Variants in SMCHD1 observed in about 807,000 individuals in gnomAD.
SMCHD1 encodes the protein structural maintenance of chromosomes flexible hinge domain-containing protein 1.
A neutral mutation model predicts 254.7 loss-of-function variants in SMCHD1; 78 were observed. The observed-to-expected ratio is 0.31, with a 90% CI of 0.26 to 0.37. The LOEUF (loss-of-function observed/expected upper bound fraction) is 0.37, where lower values mean the gene tolerates loss of function less well. Among genes scored for constraint, SMCHD1 ranks in the 10% least tolerant of loss-of-function variants. SMCHD1 has a pLI of 1.00. For synonymous variants in SMCHD1, 766 were observed against 794.9 expected (o/e 0.96, Z 0.61); for missense variants, 1,840 against 2,408.1 (o/e 0.76, Z 4.94).
At chr18:2,657,871 T>A (rs2073118129) in intron 1 of SMCHD1, among the ~76,000 whole-genome samples, 2 of 152,134 alleles carry the variant, frequency 1.3e-5, no homozygotes, top group Non-Finnish European at 1.5e-5. Flanking sequence ...GGCCCAAATA[T>A]TCCCGGGCTC....
chr18:2,754,064 A>G (rs2075626625), intron 34 of SMCHD1, among the ~76,000 whole-genome samples: 1 of 152,168 alleles, frequency 6.6e-6, no homozygotes. Flanking sequence ...TTCTTTATAT[A>G]TTAGAGATAC....
At chr18:2,799,864 C>A (rs1031516431) in intron 47 of SMCHD1, among the ~76,000 whole-genome samples, 3 of 152,052 alleles carry the variant, frequency 2.0e-5, no homozygotes, top group African/African-American at 7.2e-5. Flanking sequence ...CATCCTGGGT[C>A]TTCCTTAGTT....
intron 44 of SMCHD1, 36 bp downstream of exon 44, chr18:2,778,275 C>G: frequency 1.4e-6 from 2 of 1,421,586 alleles, no homozygotes; most frequent in Non-Finnish European, 2.0e-6. Context: ...TTGTAGACTT[C>G]AGTTTTAATG....
intron 7 of SMCHD1, among the ~76,000 whole-genome samples, chr18:2,692,606 C>G (rs114159839): frequency 6.6e-6 from 1 of 152,138 alleles, no homozygotes; most frequent in South Asian, 2.1e-4. Context: ...TCAGCCATCC[C>G]GCTTCATCTT....
intron 5 of SMCHD1, among the ~76,000 whole-genome samples, chr18:2,677,841 A>C (rs1157736995): frequency 1.3e-5 from 2 of 151,814 alleles, no homozygotes; most frequent in Non-Finnish European, 2.9e-5. Flanking sequence ...CTGGTCTCCA[A>C]CTCCTGAGCT....
At chr18:2,750,576 C>T in intron 32 of SMCHD1, 69 bp downstream of exon 32, 1 of 1,337,798 alleles carries the variant, frequency 7.5e-7, no homozygotes, top group Non-Finnish European at 1.0e-6. Flanking sequence ...GAATAAATTA[C>T]TTATCCTAGG....
At chr18:2,798,267 A>G (rs1366674308) in intron 47 of SMCHD1, among the ~76,000 whole-genome samples, 2 of 152,190 alleles carry the variant, frequency 1.3e-5, no homozygotes, top group Non-Finnish European at 2.9e-5. Flanking sequence ...GTTCATTGAT[A>G]TCTCTTGAGT....
intron 36 of SMCHD1, among the ~76,000 whole-genome samples, chr18:2,762,810 T>A (rs2075809267): frequency 6.6e-6 from 1 of 152,280 alleles, no homozygotes; most frequent in South Asian, 2.1e-4. Context: ...AATACATACC[T>A]TTACTCACCT....
At chr18:2,710,538 A>G (rs577396228) in intron 17 of SMCHD1, among the ~76,000 whole-genome samples, 1 of 152,346 alleles carries the variant, frequency 6.6e-6, no homozygotes, top group South Asian at 2.1e-4. Flanking sequence ...TGTATCTGCA[A>G]CTTTGCTGAG....
At chr18:2,735,845 A>T (rs1014239455) in intron 25 of SMCHD1, among the ~76,000 whole-genome samples, 2 of 152,336 alleles carry the variant, frequency 1.3e-5, no homozygotes, top group Admixed American at 1.3e-4. Context: ...AGCAATCTAC[A>T]GATTCAGTGT....
At chr18:2,704,135 G>A (rs2074462706) in intron 13 of SMCHD1, among the ~76,000 whole-genome samples, 1 of 151,992 alleles carries the variant, frequency 6.6e-6, no homozygotes, top group Non-Finnish European at 1.5e-5. Flanking sequence ...TAAATTAGAT[G>A]TATTAAAATT....
In SMCHD1 at chr18:2,669,044, A is replaced by T. The variant is rs566676872; in HGVS notation, c.424+2013A>T. ...TGCATACCACCATGCCCAGCTAATT[A>T]AAAAAAAAAAAAAAATTGTAGCTGG... On this transcript the variant is annotated intron_variant, in intron 3 of 47. Coordinates refer to ENST00000320876, the MANE Select transcript of SMCHD1 (RefSeq NM_015295.3). Among the ~76,000 whole-genome samples, 84 of 94,266 alleles carry T rather than the reference A, an allele frequency of 8.9e-4. 2 individuals carry two copies. In the South Asian group the frequency reaches 0.021, roughly 24 times the overall value. 61.8% of individuals were successfully genotyped at this position (94,266 alleles called of 152,430 possible).
rs2076261602 is a variant in SMCHD1, at chr18:2,796,240, C to T, written c.5878+133C>T. 3 of 915,298 alleles carry T rather than the reference C, an allele frequency of 3.3e-6. No homozygotes were observed. In the African/African-American group the frequency reaches 5.1e-5, roughly 15 times the overall value. The allele number at this position is 915,298 out of a possible 1,614,324, so 56.7% of individuals were successfully genotyped here. A position where few individuals can be genotyped will look rare whatever the true frequency, so the allele number is the denominator to read the frequency against. On this transcript the variant is annotated intron_variant, in intron 46 of 47. Transcript: ENST00000320876. ...TAACAAAAACTCTTAACCTCCAAGTCCTATCTGATAAATGGTTATAAACTA... is the reference window on the plus strand; with the variant it reads ...TAACAAAAACTCTTAACCTCCAAGTTCTATCTGATAAATGGTTATAAACTA...
intron 5 of SMCHD1, among the ~76,000 whole-genome samples, chr18:2,685,091 C>CTTTTTTT (rs1218491094): frequency 4.4e-5 from 2 of 45,758 alleles, no homozygotes; most frequent in Admixed American, 3.0e-4. Flanking sequence ...TGTTCTGTCC[C>CTTTTTTT]TTATTTTTTT....
Position 2,729,292 on chromosome 18 carries a change from C to A in SMCHD1, c.2931C>A (p.Asn977Lys). 1 of 1,507,842 alleles carries A rather than the reference C, an allele frequency of 6.6e-7. No individual in the cohort carries two copies. The highest frequency in any genetic ancestry group is 1.3e-5 in the South Asian group (1 of 74,536). 93.4% of individuals were successfully genotyped at this position (1,507,842 alleles called of 1,614,324 possible). A position where few individuals can be genotyped will look rare whatever the true frequency, so the allele number is the denominator to read the frequency against. Residue 977 changes from asparagine to lysine, a missense_variant, in exon 24 of 48, where the codon AAC (asparagine) becomes AAA (lysine). Around this residue, in one of 9 missense-constraint regions of SMCHD1, gnomAD observed 881 missense variants for 1,009.5 expected, o/e 0.87. Transcript: ENST00000320876. ...TCAAATAGTTTTCAGGTGCTCCAAA[C>A]CTTCCAGTCTATGTTGTAGATTGCA... ...IVHCKFSGAP[N>K]LPVYVVDCSS...
At chr18:2,716,676 A>G (rs1311262973) in intron 17 of SMCHD1, among the ~76,000 whole-genome samples, 3 of 152,188 alleles carry the variant, frequency 2.0e-5, no homozygotes, top group Admixed American at 6.5e-5. Flanking sequence ...CAGAGCAACC[A>G]CTGCCATGCC....
In SMCHD1 at chr18:2,802,670, G is replaced by T. The variant is rs2076386073; in HGVS notation, c.*118G>T. ...CTGAGTATTTCTGGGGACAATACAA[G>T]TACCTGGGCATGAATTTCCATTTCG... On this transcript the variant is annotated 3_prime_UTR_variant, in exon 48 of 48. Coordinates refer to ENST00000320876, the MANE Select transcript of SMCHD1 (RefSeq NM_015295.3). 6 of 853,546 alleles carry T rather than the reference G, an allele frequency of 7.0e-6. No individual in the cohort carries two copies. Among genetic ancestry groups the T allele is most frequent in the Non-Finnish European group, 1.0e-5 (6 of 576,536 alleles). 52.9% of individuals were successfully genotyped at this position (853,546 alleles called of 1,614,324 possible).
intron 5 of SMCHD1, among the ~76,000 whole-genome samples, chr18:2,675,367 C>T (rs1281603052): frequency 6.1e-5 from 9 of 148,174 alleles, no homozygotes; most frequent in East Asian, 2.0e-4. Context: ...CAGGTTCAAA[C>T]GATTCTTCTG....
Position 2,796,506 on chromosome 18 carries a change from C to A in SMCHD1, c.5978C>A (p.Ala1993Asp). 6.3e-7 allele frequency: 1 copy of A among 1,595,562 alleles called. No homozygotes were observed. Among genetic ancestry groups the A allele is most frequent in the Non-Finnish European group, 8.5e-7 (1 of 1,170,002 alleles). The change falls in exon 47 of 48, where the codon GCT becomes GAT. Residue 1993 changes from alanine (A) to aspartate (D), a missense_variant. Ala to Asp is a moderately radical substitution (Grantham distance 126, BLOSUM62 -2). This residue lies in a region of SMCHD1 where 132 missense variants were observed against 138.2 expected (regional missense o/e 0.95). Transcript: ENST00000320876. ...PVPPKRMRRE[A>D]TRQNRIITKT... ...CCTCCTAAAAGAATGAGACGAGAAG[C>A]TACAAGACAAAATAGGTGAGTTTGT...
Sources: allele counts gnomAD v4.1 joint callset (sites outside exome capture counted in the v4.1 genomes callset), GRCh38; gene constraint gnomAD v4.1.1; regional missense constraint gnomAD v4.1.1; transcripts MANE v1.5; gene names NCBI Gene and HGNC (gene_info 2026-07-23, HGNC 2026-07-21).